The following IRAK2 variants were observed in gnomAD, a reference collection of about 807,000 sequenced individuals.
The protein encoded by IRAK2 is interleukin 1 receptor associated kinase 2.
In IRAK2, 57 loss-of-function variants were observed where a neutral mutation model predicts 72.0. That is an observed-to-expected ratio of 0.79 (90% CI 0.64 to 0.99). The LOEUF (loss-of-function observed/expected upper bound fraction) is 0.99, where lower values mean the gene tolerates loss of function less well. Ranked by LOEUF, IRAK2 falls within the 50% of genes least tolerant of loss-of-function variation. The pLI is 0.00. For synonymous variants in IRAK2, 293 were observed against 312.7 expected, an observed-to-expected ratio of 0.94 and a Z score of 0.67; for missense variants, 790 against 794.4, an observed-to-expected ratio of 0.99 and a Z score of 0.07.
At chr3:10,216,709 T>C (rs1697609466) in intron 6 of IRAK2, among the ~76,000 whole-genome samples, 1 of 152,106 alleles carries the variant, frequency 6.6e-6, no homozygotes, top group African/African-American at 2.4e-5. Context: ...TGAGATGTCA[T>C]GTGTTGCAGA....
At chr3:10,196,178 A>G (rs1019890639) in intron 2 of IRAK2, among the ~76,000 whole-genome samples, 1 of 152,192 alleles carries the variant, frequency 6.6e-6, no homozygotes, top group South Asian at 2.1e-4. Flanking sequence ...GCAGTGGCAC[A>G]ATCTTAGCAC....
chr3:10,233,272 G>A lies in IRAK2; in HGVS notation c.1273-1187G>A, dbSNP rs1219357398. 2.6e-5 allele frequency among the ~76,000 whole-genome samples: 4 copies of A among 152,084 alleles called. No individual in the cohort carries two copies. In the East Asian group the frequency reaches 7.8e-4, roughly 29 times the overall value. ...TCACCGTGTCAGCCAGGCTGGTCTC[G>A]AACTCCTGACCTCGAGTGATCTGCC... On this transcript the variant is annotated intron_variant, in intron 10 of 12. Transcript: ENST00000256458.
At chr3:10,216,837 C>T (rs1053828213) in intron 6 of IRAK2, 97 bp from the exon 7 acceptor site, 12 of 867,160 alleles carry the variant, frequency 1.4e-5, no homozygotes, top group South Asian at 5.8e-5. Flanking sequence ...TTATTGGTGG[C>T]GTTGGAGGAG....
At chr3:10,182,797 G>A (rs1696981705) in intron 2 of IRAK2, among the ~76,000 whole-genome samples, 1 of 150,240 alleles carries the variant, frequency 6.7e-6, no homozygotes, top group Admixed American at 6.6e-5. Context: ...TTGAGACGGA[G>A]TCTCTTTCTG....
At chr3:10,225,144 A>T (rs192355896) in intron 9 of IRAK2, among the ~76,000 whole-genome samples, 1 of 147,184 alleles carries the variant, frequency 6.8e-6, no homozygotes, top group African/African-American at 2.7e-5. Flanking sequence ...TGGGTGGTTT[A>T]AAACCTTTAT....
At chr3:10,220,083 A>G (rs1448040577) in intron 8 of IRAK2, among the ~76,000 whole-genome samples, 1 of 152,130 alleles carries the variant, frequency 6.6e-6, no homozygotes, top group Non-Finnish European at 1.5e-5. Context: ...GCTGCGTCGC[A>G]CTGTCCACTC....
intron 3 of IRAK2, among the ~76,000 whole-genome samples, chr3:10,202,467 C>CA (rs1176506945): frequency 4.6e-5 from 7 of 151,746 alleles, no homozygotes; most frequent in African/African-American, 1.5e-4. Flanking sequence ...ATTAAAAATA[C>CA]AAAAAATTGG....
intron 3 of IRAK2, among the ~76,000 whole-genome samples, chr3:10,207,886 G>C (rs977255922): frequency 6.6e-6 from 1 of 151,466 alleles, no homozygotes; most frequent in East Asian, 1.9e-4. Context: ...CAGCTACTTC[G>C]TAGGCTGAGG....
chr3:10,209,593 C>T lies in IRAK2; in HGVS notation c.429C>T (p.Ser143=). 6.5e-7 allele frequency: 1 copy of T among 1,548,582 alleles called. No individual in the cohort carries two copies. Among genetic ancestry groups the T allele is most frequent in the Non-Finnish European group, 8.7e-7 (1 of 1,152,002 alleles). The change falls in exon 4 of 13, where the codon TCC becomes TCT. Residue 143 remains serine, a synonymous_variant. Transcript: ENST00000256458. ...CCCATAGTCCCTCCTTTCCAGGGTC[C>T]TCTCCAGCCAGAGCCCACCAGCCGG... is the stretch of plus-strand genomic sequence containing the variant. ...VRMATFPGPG[S]SPARAHQPAF...
At chr3:10,180,893 A>G (rs1469480883) in intron 2 of IRAK2, among the ~76,000 whole-genome samples, 1 of 151,836 alleles carries the variant, frequency 6.6e-6, no homozygotes. Context: ...CAGCGAGAAC[A>G]TCTCCTCCCT....
At chr3:10,201,255 A>G (rs1697356486) in intron 3 of IRAK2, among the ~76,000 whole-genome samples, 1 of 152,226 alleles carries the variant, frequency 6.6e-6, no homozygotes, top group South Asian at 2.1e-4. Flanking sequence ...AGCGAGGTTA[A>G]CCAACCTGGC....
intron 1 of IRAK2, 133 bp from the exon 2 acceptor site, chr3:10,177,705 G>T (rs1326856112): frequency 1.8e-5 from 15 of 833,390 alleles, no homozygotes; most frequent in Non-Finnish European, 2.7e-5. Flanking sequence ...CTCAGCTAAT[G>T]GTGGTGTTTC....
intron 10 of IRAK2, among the ~76,000 whole-genome samples, chr3:10,231,546 G>T (rs1365143171): frequency 6.6e-6 from 1 of 152,104 alleles, no homozygotes; most frequent in Non-Finnish European, 1.5e-5. Context: ...TCCTGCCTTG[G>T]CCTCCCAAAG....
At chr3:10,198,140 A>C (rs759563636) in intron 2 of IRAK2, among the ~76,000 whole-genome samples, 1 of 152,238 alleles carries the variant, frequency 6.6e-6, no homozygotes, top group Non-Finnish European at 1.5e-5. Context: ...CGGAGCTTGC[A>C]GTGAGCCAAG....
chr3:10,213,976 T>A (rs1412561183), intron 6 of IRAK2, among the ~76,000 whole-genome samples: 1 of 152,068 alleles, frequency 6.6e-6, no homozygotes, highest in African/African-American at 2.4e-5. Flanking sequence ...TCTCCCAGGC[T>A]GGAGTGCAGT....
chr3:10,181,784 G>T (rs921181864), intron 2 of IRAK2, among the ~76,000 whole-genome samples: 1 of 151,942 alleles, frequency 6.6e-6, no homozygotes, highest in African/African-American at 2.4e-5. Flanking sequence ...ATGCCTATCC[G>T]ACCCTGGAGA....
At chr3:10,190,957 T>C (rs1697164901) in intron 2 of IRAK2, among the ~76,000 whole-genome samples, 1 of 152,184 alleles carries the variant, frequency 6.6e-6, no homozygotes, top group Non-Finnish European at 1.5e-5. Flanking sequence ...CACTAGCTGT[T>C]AAGTGCTTCG....
intron 2 of IRAK2, among the ~76,000 whole-genome samples, chr3:10,186,020 A>G (rs1393481788): frequency 6.6e-6 from 1 of 151,662 alleles, no homozygotes; most frequent in East Asian, 1.9e-4. Context: ...CAATGAGCCA[A>G]GATTGTGCCA....
chr3:10,210,659 G>A (rs1049317917), intron 4 of IRAK2, among the ~76,000 whole-genome samples: 12 of 152,016 alleles, frequency 7.9e-5, no homozygotes, highest in African/African-American at 2.9e-4. Flanking sequence ...GGCTGAGGTG[G>A]GAGGATCGCT....
Sources: gnomAD v4.1 joint callset for allele counts (sites outside exome capture counted in the v4.1 genomes callset) on GRCh38, gnomAD v4.1.1 for gene constraint, MANE v1.5 for transcripts, NCBI Gene and HGNC (gene_info 2026-07-23, HGNC 2026-07-21) for gene names.